Variants in PCDHGA9 observed in about 807,000 individuals in gnomAD.
PCDHGA9 encodes protocadherin gamma-A9.
In PCDHGA9, 37 loss-of-function variants were observed where a neutral mutation model predicts 62.5. That is an observed-to-expected ratio of 0.59 (90% CI 0.46 to 0.78). PCDHGA9 has a LOEUF of 0.78. PCDHGA9 is among the 30% of genes least tolerant of loss of function. The pLI is 0.00. For synonymous variants in PCDHGA9, 459 were observed against 484.6 expected, an observed-to-expected ratio of 0.95 and a Z score of 0.69; for missense variants, 1,138 against 1,166.2, an observed-to-expected ratio of 0.98 and a Z score of 0.35.
chr5:141,452,002 T>C (rs965343762), intron 1 of PCDHGA9, among the ~76,000 whole-genome samples: 1 of 152,220 alleles, frequency 6.6e-6, no homozygotes, highest in African/African-American at 2.4e-5. Context: ...GCAAAATCAC[T>C]TGGTCCAGCC....
intron 1 of PCDHGA9, chr5:141,409,404 A>T: frequency 5.0e-6 from 8 of 1,614,046 alleles, no homozygotes; most frequent in Non-Finnish European, 6.8e-6. Flanking sequence ...TCCAATAACT[A>T]CTACAAACTG....
rs2099521625 is a variant in PCDHGA9, at chr5:141,480,568, G to A, written c.2425-14239G>A. 2.0e-5 allele frequency among the ~76,000 whole-genome samples: 3 copies of A among 152,338 alleles called. No individual in the cohort carries two copies. The South Asian group carries it at 6.2e-4, about 32-fold the overall frequency. Reference sequence around the variant, plus strand: ...AAAGGCTAAGAAAGCATGAAAGCCAGCAAGAAATAACTGCCGCTCTTCTGG... The same window carrying A: ...AAAGGCTAAGAAAGCATGAAAGCCAACAAGAAATAACTGCCGCTCTTCTGG... On this transcript the variant is annotated intron_variant, in intron 1 of 3. Coordinates refer to ENST00000573521, the MANE Select transcript of PCDHGA9 (RefSeq NM_018921.3).
rs570083634 is a variant in PCDHGA9, at chr5:141,427,859, C to G, written c.2424+22483C>G. 25 of 1,556,390 alleles carry G rather than the reference C, an allele frequency of 1.6e-5. No homozygotes were observed. The Admixed American group carries it at 2.0e-4, about 13-fold the overall frequency. ...CCTTCGACCACGAGCAGCTGTGCGC[C>G]TTCGAGCTCACGATGCAGGCCCACG... On this transcript the variant is annotated intron_variant, in intron 1 of 3. Coordinates refer to ENST00000573521, the MANE Select transcript of PCDHGA9 (RefSeq NM_018921.3).
At chr5:141,433,099 C>T (rs1003269683) in intron 1 of PCDHGA9, 1 of 1,614,190 alleles carries the variant, frequency 6.2e-7, no homozygotes, top group Non-Finnish European at 8.5e-7. Context: ...ACATGCTCGT[C>T]AGCCAGGAGA....
chr5:141,409,756 C>G, intron 1 of PCDHGA9: 1 of 1,612,994 alleles, frequency 6.2e-7, no homozygotes, highest in Non-Finnish European at 8.5e-7. Context: ...TCGCGCAGCG[C>G]GCCTTTGATC....
intron 1 of PCDHGA9, chr5:141,428,211 C>A: frequency 7.8e-7 from 1 of 1,284,316 alleles, no homozygotes; most frequent in Non-Finnish European, 1.1e-6. Context: ...CTACGCTTCA[C>A]CTAGTCTTCG....
chr5:141,478,642 T>A (rs777741719), intron 1 of PCDHGA9: 1 of 1,552,350 alleles, frequency 6.4e-7, no homozygotes, highest in South Asian at 1.2e-5. Context: ...GTGATGAAGA[T>A]GTTTTCCTGG....
chr5:141,429,314 C>A (rs1463397731), intron 1 of PCDHGA9, among the ~76,000 whole-genome samples: 2 of 151,722 alleles, frequency 1.3e-5, no homozygotes, highest in Admixed American at 6.6e-5. Flanking sequence ...GTATATAAGG[C>A]TTTTTCTTTA....
intron 1 of PCDHGA9, chr5:141,419,479 C>T (rs764891283): frequency 6.2e-7 from 1 of 1,612,390 alleles, no homozygotes; most frequent in Non-Finnish European, 8.5e-7. Context: ...AGGGCTCGCC[C>T]GCGCTCAGCG....
In PCDHGA9 at chr5:141,491,778, C is replaced by T. The variant is rs568710854; in HGVS notation, c.2425-3029C>T. 3.1e-4 allele frequency: 482 copies of T among 1,547,678 alleles called. No homozygotes were observed. The highest frequency in any genetic ancestry group is 2.2e-3 in the Middle Eastern group (13 of 5,890). On this transcript the variant is annotated intron_variant, in intron 1 of 3. Transcript: ENST00000573521. This position sits in a 1 kb window ranked among gnomAD's most constrained non-coding sequence, Gnocchi z 6.9. Reference sequence around the variant, plus strand: ...CCGCCCGTCCTCATAAGGGATTGAACTTGCATCCACTCCTCTCCGGCCGGC... The same window carrying T: ...CCGCCCGTCCTCATAAGGGATTGAATTTGCATCCACTCCTCTCCGGCCGGC...
chr5:141,437,715 C>T (rs2097903335), intron 1 of PCDHGA9, among the ~76,000 whole-genome samples: 1 of 151,772 alleles, frequency 6.6e-6, no homozygotes, highest in Non-Finnish European at 1.5e-5. Context: ...ACACAGTTAC[C>T]CTCTAATGTT....
chr5:141,484,123 T>C (rs2099592351), intron 1 of PCDHGA9, among the ~76,000 whole-genome samples: 1 of 152,174 alleles, frequency 6.6e-6, no homozygotes, highest in South Asian at 2.1e-4. Flanking sequence ...AAGAATACCT[T>C]GGTGTCAGAT....
At chr5:141,406,446 C>T (rs1292880739) in intron 1 of PCDHGA9, among the ~76,000 whole-genome samples, 1 of 152,200 alleles carries the variant, frequency 6.6e-6, no homozygotes, top group Non-Finnish European at 1.5e-5. Flanking sequence ...TCTTCCATTT[C>T]TATGACAGGA....
intron 1 of PCDHGA9, chr5:141,418,417 T>C: frequency 6.2e-7 from 1 of 1,614,002 alleles, no homozygotes; most frequent in Non-Finnish European, 8.5e-7. Flanking sequence ...AAGACAATCC[T>C]GATGGTGGCA....
In PCDHGA9 at chr5:141,477,074, A is replaced by G; in HGVS notation, c.2425-17733A>G. Reference sequence around the variant, plus strand: ...CTTCGAGGACACCAAACTCCATGAGATTTACATCCAGGCCAAAGACAAGGG... The same window carrying G: ...CTTCGAGGACACCAAACTCCATGAGGTTTACATCCAGGCCAAAGACAAGGG... On this transcript the variant is annotated intron_variant, in intron 1 of 3. Coordinates refer to ENST00000573521, the MANE Select transcript of PCDHGA9 (RefSeq NM_018921.3). This position sits in a 1 kb window ranked among gnomAD's most constrained non-coding sequence, Gnocchi z 4.9. 1 of 1,614,250 alleles carries G rather than the reference A, an allele frequency of 6.2e-7. No homozygotes were observed.
intron 1 of PCDHGA9, among the ~76,000 whole-genome samples, chr5:141,449,007 T>A (rs937327801): frequency 3.3e-5 from 5 of 152,116 alleles, no homozygotes; most frequent in African/African-American, 1.2e-4. Context: ...CTGTTTTTTT[T>A]AACAGTTGCT....
chr5:141,409,912 C>T (rs775668669), intron 1 of PCDHGA9: 5 of 1,613,180 alleles, frequency 3.1e-6, no homozygotes, highest in Non-Finnish European at 2.5e-6. Context: ...TGGGTCCTGA[C>T]GGCTCCGCGT....
In PCDHGA9 at chr5:141,417,855, G is replaced by T. The variant is rs1436078486; in HGVS notation, c.2424+12479G>T. The T allele has an allele frequency of 2.6e-6, 4 of 1,544,916 alleles. No individual in the cohort carries two copies. In the Admixed American group the frequency reaches 8.0e-5, roughly 31 times the overall value. ...GCGGGGACCCAGCGAGAACCCGAGC[G>T]AACGATGGGAGGGAGCTGCGCGCAG... On this transcript the variant is annotated intron_variant, in intron 1 of 3. Transcript: ENST00000573521.
chr5:141,489,635 G>T lies in PCDHGA9; in HGVS notation c.2425-5172G>T, dbSNP rs1380466520. On this transcript the variant is annotated intron_variant, in intron 1 of 3. Coordinates refer to ENST00000573521, the MANE Select transcript of PCDHGA9 (RefSeq NM_018921.3). This position sits in a 1 kb window ranked among gnomAD's most constrained non-coding sequence, Gnocchi z 4.5. ...CTGGATCTCAATGACAACTCTCCTA[G>T]CTTTGCCACCCCTGAGCGAGAGATG... 1.2e-6 allele frequency: 2 copies of T among 1,614,024 alleles called. No homozygotes were observed. The highest frequency in any genetic ancestry group is 2.7e-5 in the African/African-American group (2 of 74,908).
Sources: allele counts gnomAD v4.1 joint callset (sites outside exome capture counted in the v4.1 genomes callset), GRCh38; gene constraint gnomAD v4.1.1; non-coding constraint Gnocchi (gnomAD v3.1); transcripts MANE v1.5; gene names NCBI Gene and HGNC (gene_info 2026-07-23, HGNC 2026-07-21).